LMOD1: variants seen among roughly 807,000 people sequenced by gnomAD.
The protein encoded by LMOD1 is leiomodin 1.
In LMOD1, 8 loss-of-function variants were observed where a neutral mutation model predicts 36.5. That is an observed-to-expected ratio of 0.22 (90% CI 0.13 to 0.40). LMOD1 has a LOEUF of 0.40. LMOD1 is among the 10% of genes least tolerant of loss of function. LMOD1 has a pLI of 1.00. For missense variants in LMOD1, 630 were observed against 751.1 expected (o/e 0.84, Z 1.88); for synonymous variants, 284 against 288.7 (o/e 0.98, Z 0.17).
chr1:201,942,721 A>C (rs1260498561), intron 1 of LMOD1, among the ~76,000 whole-genome samples: 2 of 151,732 alleles, frequency 1.3e-5, no homozygotes, highest in African/African-American at 4.8e-5. Flanking sequence ...ACATACATAC[A>C]AAAGTAGAAA....
At chr1:201,927,952 T>G (rs139317926) in intron 1 of LMOD1, among the ~76,000 whole-genome samples, 2 of 152,110 alleles carry the variant, frequency 1.3e-5, no homozygotes, top group East Asian at 3.9e-4. Flanking sequence ...TGGGGCCTAA[T>G]GGAAAGGGTT....
chr1:201,903,751 A>G (rs1219015344), intron 1 of LMOD1, among the ~76,000 whole-genome samples: 1 of 152,042 alleles, frequency 6.6e-6, no homozygotes, highest in African/African-American at 2.4e-5. Flanking sequence ...TTAGGCCTCC[A>G]GGGCAAAGAC....
intron 1 of LMOD1, among the ~76,000 whole-genome samples, chr1:201,933,020 T>C (rs1681952407): frequency 6.6e-6 from 1 of 152,190 alleles, no homozygotes; most frequent in African/African-American, 2.4e-5. Context: ...TTGTTTGTAA[T>C]AGTCCCAGAC....
intron 1 of LMOD1, among the ~76,000 whole-genome samples, chr1:201,901,051 C>T (rs986743480): frequency 6.6e-6 from 1 of 152,108 alleles, no homozygotes; most frequent in African/African-American, 2.4e-5. Context: ...CCAGAATTGC[C>T]CTTTCCTATC....
intron 1 of LMOD1, among the ~76,000 whole-genome samples, chr1:201,903,230 GT>G (rs535913956): frequency 6.6e-6 from 1 of 152,198 alleles, no homozygotes; most frequent in African/African-American, 2.4e-5. Context: ...CAGCCCCTGG[GT>G]TTTTTTAGCA....
At position 201,899,744 on chromosome 1, in the gene LMOD1, G is replaced by A. The variant is rs768609826; in HGVS notation, c.1269C>T (p.His423=). The A allele has an allele frequency of 1.5e-5, 24 of 1,614,068 alleles. No homozygotes were observed. Among genetic ancestry groups the A allele is most frequent in the East Asian group, 2.2e-5 (1 of 44,874 alleles). Residue 423 remains histidine (H), a synonymous_variant, in exon 2 of 3, where the codon CAC becomes CAT. Coordinates refer to ENST00000367288, the MANE Select transcript of LMOD1 (RefSeq NM_012134.3). This position sits in a 1 kb window ranked among gnomAD's most constrained non-coding sequence, Gnocchi z 6.3. ...QNNTLTELRF[H]NQRHICGGKT... is the part of the protein sequence containing the mutation. The stretch of plus-strand genomic sequence containing the variant: ...TGCCTCCACAGATGTGTCGCTGGTT[G>A]TGGAAGCGGAGCTCGGTCAGCGTGT...
At chr1:201,939,038 C>T (rs973877747) in intron 1 of LMOD1, among the ~76,000 whole-genome samples, 3 of 152,114 alleles carry the variant, frequency 2.0e-5, no homozygotes, top group East Asian at 1.9e-4. Flanking sequence ...AGAAATCAGG[C>T]TGCTGGGGCC....
intron 1 of LMOD1, among the ~76,000 whole-genome samples, chr1:201,909,051 A>AC (rs1558236379): frequency 6.6e-6 from 1 of 152,146 alleles, no homozygotes; most frequent in Non-Finnish European, 1.5e-5. Context: ...CATCCAGGGC[A>AC]CCCCCCAGGG....
chr1:201,901,098 C>T (rs767691273), intron 1 of LMOD1, among the ~76,000 whole-genome samples: 42 of 152,306 alleles, frequency 2.8e-4, no homozygotes, highest in Admixed American at 9.8e-4. Context: ...AAGCAATGCC[C>T]TGCCAAGCAC....
intron 1 of LMOD1, among the ~76,000 whole-genome samples, chr1:201,937,997 G>A (rs915949191): frequency 2.0e-5 from 3 of 152,224 alleles, no homozygotes; most frequent in East Asian, 1.9e-4. Context: ...GCGGATAGGA[G>A]TGAAGGGAAG....
rs138849589 is a variant in LMOD1 at position 201,937,307 on chromosome 1, C to T, written c.261+8773G>A. Among the ~76,000 whole-genome samples the T allele has an allele frequency of 2.6e-3, 400 of 151,116 alleles. 2 individuals are homozygous for T. The highest frequency in any genetic ancestry group is 9.2e-3 in the African/African-American group (377 of 41,160). On this transcript the variant is annotated intron_variant, in intron 1 of 2. Transcript: ENST00000367288. ...ACAAATAATTTAAAAATTATCTGGGCGCGGTGGGACACACCTGTAGTCCTA... is the reference window on the plus strand; with the variant it reads ...ACAAATAATTTAAAAATTATCTGGGTGCGGTGGGACACACCTGTAGTCCTA...
chr1:201,915,297 T>C (rs1398321033), intron 1 of LMOD1, among the ~76,000 whole-genome samples: 2 of 152,090 alleles, frequency 1.3e-5, no homozygotes, highest in African/African-American at 4.8e-5. Flanking sequence ...GTTTTCACCT[T>C]TAGAGCCTCT....
chr1:201,917,010 GGCTTTACAA>G (rs1405665096), intron 1 of LMOD1, among the ~76,000 whole-genome samples: 1 of 152,208 alleles, frequency 6.6e-6, no homozygotes, highest in Admixed American at 6.6e-5. Context: ...CGGGAGACCA[GGCTTTACAA>G]GAGGAGTGAA....
Position 201,898,361 on chromosome 1 carries a change from G to A in LMOD1, c.*11C>T, listed in dbSNP as rs754673147. The A allele has an allele frequency of 5.6e-6, 9 of 1,612,192 alleles. No homozygotes were observed. In the African/African-American group the frequency reaches 9.3e-5, roughly 17 times the overall value. The stretch of plus-strand genomic sequence containing the variant: ...TCATGGCATTGGCAGATGGTGCCTG[G>A]CAGCCTGGTCCTACTGAAGCAGTTT... On this transcript the variant is annotated 3_prime_UTR_variant, in exon 3 of 3. Transcript: ENST00000367288.
intron 1 of LMOD1, among the ~76,000 whole-genome samples, chr1:201,929,912 G>A (rs2102925797): frequency 1.3e-5 from 2 of 152,324 alleles, no homozygotes; most frequent in Non-Finnish European, 2.9e-5. Flanking sequence ...GAACACAGAG[G>A]TGGAGCACAC....
rs1273831154 is a variant in LMOD1 at position 201,946,203 on chromosome 1, G to A, written c.138C>T (p.Pro46=). The part of the protein sequence containing the change: ...LDVVDPDGSV[P]VGLRQRNQTE... Reference sequence around the variant, plus strand: ...TCTGGTTTCTCTGCCGCAGCCCCACGGGAACACTCCCGTCTGGGTCCACCA... The same window carrying A: ...TCTGGTTTCTCTGCCGCAGCCCCACAGGAACACTCCCGTCTGGGTCCACCA... The change falls in exon 1 of 3, where the codon CCC becomes CCT. Residue 46 remains proline (P), a synonymous_variant. Transcript: ENST00000367288. 6.2e-7 allele frequency: 1 copy of A among 1,613,966 alleles called. No homozygotes were observed. The highest frequency in any genetic ancestry group is 8.5e-7 in the Non-Finnish European group (1 of 1,179,886).
intron 1 of LMOD1, among the ~76,000 whole-genome samples, chr1:201,940,262 C>A (rs961121637): frequency 3.3e-5 from 5 of 149,542 alleles, no homozygotes; most frequent in African/African-American, 1.2e-4. Context: ...TCTCGGCTCA[C>A]TGCAACCTCC....
Position 201,898,167 on chromosome 1 carries a change from T to C in LMOD1, c.*205A>G, listed in dbSNP as rs972919380. The stretch of plus-strand genomic sequence containing the variant: ...GAGCTCCATGTACTAAAGCAAAATT[T>C]GGAGAGCCTCAGAGACAAGAAAAGG... On this transcript the variant is annotated 3_prime_UTR_variant, in exon 3 of 3. Transcript: ENST00000367288. 40 of 606,390 alleles carry C rather than the reference T, an allele frequency of 6.6e-5. No homozygotes were observed. In the Admixed American group the frequency reaches 1.2e-3, roughly 18 times the overall value. 37.6% of individuals were successfully genotyped at this position (606,390 alleles called of 1,614,324 possible).
intron 1 of LMOD1, among the ~76,000 whole-genome samples, chr1:201,921,688 C>T (rs994210300): frequency 6.6e-6 from 1 of 151,764 alleles, no homozygotes; most frequent in Non-Finnish European, 1.5e-5. Flanking sequence ...TGGCCGGATG[C>T]AGTGGCTCAT....
Sources: allele counts gnomAD v4.1 joint callset (sites outside exome capture counted in the v4.1 genomes callset), GRCh38; gene constraint gnomAD v4.1.1; non-coding constraint Gnocchi (gnomAD v3.1); transcripts MANE v1.5; gene names NCBI Gene and HGNC (gene_info 2026-07-23, HGNC 2026-07-21).